CENPK: variants seen among roughly 807,000 people sequenced by gnomAD.
CENPK encodes SoxLZ/Sox6-binding protein Solt.
In CENPK, 46 loss-of-function variants were observed where a neutral mutation model predicts 40.9. The observed-to-expected ratio is 1.13, with a 90% CI of 0.89 to 1.44. CENPK has a LOEUF of 1.44. CENPK is among the 40% of genes most tolerant of loss of function. The pLI is 0.00. For synonymous variants in CENPK, 107 were observed against 104.4 expected, an observed-to-expected ratio of 1.02 and a Z score of -0.15; for missense variants, 288 against 303.5, an observed-to-expected ratio of 0.95 and a Z score of 0.38.
At chr5:65,508,443 T>G in the CENPK span, among the ~76,000 whole-genome samples, 1 of 152,126 alleles carries the variant, frequency 6.6e-6, no homozygotes, top group Admixed American at 6.6e-5. Flanking sequence ...TTATAACATA[T>G]CCGATAAAAA....
At chr5:65,536,003 C>T (rs1746828009) in intron 6 of CENPK, among the ~76,000 whole-genome samples, 1 of 152,154 alleles carries the variant, frequency 6.6e-6, no homozygotes, top group African/African-American at 2.4e-5. Context: ...TAGAAGTTAC[C>T]AGTAAAATAT....
intron 9 of CENPK, among the ~76,000 whole-genome samples, chr5:65,526,390 C>A (rs1375014119): frequency 6.6e-6 from 1 of 152,002 alleles, no homozygotes; most frequent in Non-Finnish European, 1.5e-5. Flanking sequence ...AGACACAGCC[C>A]ATAACAAATG....
At chr5:65,532,055 T>A (rs1396658104) in intron 6 of CENPK, among the ~76,000 whole-genome samples, 2 of 152,136 alleles carry the variant, frequency 1.3e-5, no homozygotes, top group East Asian at 3.8e-4. Context: ...ATATCAGGAA[T>A]GAGAGAGGTG....
Position 65,529,197 on chromosome 5 carries a change from G to C in CENPK, c.291C>G (p.Phe97Leu), listed in dbSNP as rs1393117032. Residue 97 changes from phenylalanine (F) to leucine (L), a missense_variant and splice_region_variant, in exon 7 of 11, where the codon TTC becomes TTG. By Grantham distance (22) the Phe-to-Leu change is conservative. Transcript: ENST00000396679. The part of the protein sequence containing the change: ...DVLITLGKEE[F>L]QKLRQDLEMV... ...TTTCAAGATCTTGTCTCAGCTTTTG[G>C]AACTAGAATAAAATAATTCAAATTA... The C allele has an allele frequency of 1.3e-6, 2 of 1,591,094 alleles. No individual in the cohort carries two copies. The highest frequency in any genetic ancestry group is 1.1e-5 in the South Asian group (1 of 88,704).
At chr5:65,528,346 C>T in intron 9 of CENPK, 106 bp downstream of exon 9, 2 of 876,056 alleles carry the variant, frequency 2.3e-6, no homozygotes, top group South Asian at 2.6e-5. Flanking sequence ...TGGCATATTT[C>T]CATACATGTG....
At chr5:65,521,131 T>C (rs1165342206) in intron 10 of CENPK, among the ~76,000 whole-genome samples, 1 of 152,058 alleles carries the variant, frequency 6.6e-6, no homozygotes, top group African/African-American at 2.4e-5. Flanking sequence ...TGTAACAGCA[T>C]AGAATTTTAC....
chr5:65,500,790 G>A, the CENPK span, among the ~76,000 whole-genome samples: 1 of 152,116 alleles, frequency 6.6e-6, no homozygotes, highest in South Asian at 2.1e-4. Flanking sequence ...AGCCTCCCCA[G>A]TAGCTGGGAC....
Position 65,526,606 on chromosome 5 carries a change from G to T in CENPK, c.597+1846C>A, listed in dbSNP as rs535378006. On this transcript the variant is annotated intron_variant, in intron 9 of 10. Coordinates refer to ENST00000396679, the MANE Select transcript of CENPK (RefSeq NM_022145.5). ...ACACCGAGTAGCTCACAGGGCATGG[G>T]GATAAAGGGAGAGATAGACATAAAT... is the stretch of plus-strand genomic sequence containing the variant. Among the ~76,000 whole-genome samples, 5 of 152,246 alleles carry T rather than the reference G, an allele frequency of 3.3e-5. No individual in the cohort carries two copies. The South Asian group carries it at 1.0e-3, about 32-fold the overall frequency.
intron 10 of CENPK, 53 bp from the exon 11 acceptor site, chr5:65,518,686 G>A: frequency 8.2e-7 from 1 of 1,222,918 alleles, no homozygotes; most frequent in South Asian, 1.4e-5. Context: ...AGTCAATATA[G>A]CTATAAGAAA....
At chr5:65,504,186 T>A in the CENPK span, among the ~76,000 whole-genome samples, 1 of 151,744 alleles carries the variant, frequency 6.6e-6, no homozygotes, top group Non-Finnish European at 1.5e-5. Context: ...CCAGGCGCAG[T>A]GGCTCATGCC....
chr5:65,530,276 T>G (rs755097901), intron 6 of CENPK, among the ~76,000 whole-genome samples: 18 of 152,086 alleles, frequency 1.2e-4, no homozygotes, highest in Non-Finnish European at 2.2e-4. Context: ...TCCAGACGTT[T>G]ACTCCAGCAA....
chr5:65,558,506 G>A (rs1468426568), intron 2 of CENPK, among the ~76,000 whole-genome samples: 3 of 152,142 alleles, frequency 2.0e-5, no homozygotes, highest in Admixed American at 6.6e-5. Context: ...TCTTTTCTCC[G>A]TAAAATGGTA....
At chr5:65,510,807 T>C in the CENPK span, among the ~76,000 whole-genome samples, 4 of 150,120 alleles carry the variant, frequency 2.7e-5, no homozygotes, top group African/African-American at 9.7e-5. Flanking sequence ...AGAAAAATGG[T>C]TTACGCAATT....
At chr5:65,535,959 AAAC>A (rs1376469332) in intron 6 of CENPK, among the ~76,000 whole-genome samples, 3 of 152,220 alleles carry the variant, frequency 2.0e-5, no homozygotes, top group African/African-American at 7.2e-5. Flanking sequence ...CGATGGTATA[AAAC>A]AACAGCTGCA....
intron 2 of CENPK, among the ~76,000 whole-genome samples, chr5:65,559,368 G>A (rs1167351539): frequency 2.0e-5 from 3 of 152,112 alleles, no homozygotes; most frequent in African/African-American, 4.8e-5. Flanking sequence ...GGTGGCTCAC[G>A]CCTGTAATCC....
the CENPK span, among the ~76,000 whole-genome samples, chr5:65,509,227 G>A: frequency 1.3e-5 from 2 of 152,042 alleles, no homozygotes; most frequent in African/African-American, 2.4e-5. Flanking sequence ...TAAACAATAC[G>A]CTTGGTCTCA....
At chr5:65,539,892 A>G (rs1416923740) in intron 6 of CENPK, among the ~76,000 whole-genome samples, 1 of 152,212 alleles carries the variant, frequency 6.6e-6, no homozygotes, top group Non-Finnish European at 1.5e-5. Context: ...GACACACTGA[A>G]GCTGCACCTG....
intron 6 of CENPK, among the ~76,000 whole-genome samples, chr5:65,542,061 G>A (rs975964249): frequency 5.9e-5 from 9 of 152,124 alleles, no homozygotes; most frequent in Non-Finnish European, 1.3e-4. Flanking sequence ...GTTTATAAGG[G>A]CATTAATTTC....
chr5:65,556,194 C>T (rs1452188862), intron 2 of CENPK, among the ~76,000 whole-genome samples: 1 of 151,834 alleles, frequency 6.6e-6, no homozygotes, highest in African/African-American at 2.4e-5. Flanking sequence ...TAAAATATGC[C>T]AGGTGCAGTG....
Sources: allele counts gnomAD v4.1 joint callset (sites outside exome capture counted in the v4.1 genomes callset), GRCh38; gene constraint gnomAD v4.1.1; transcripts MANE v1.5; gene names NCBI Gene and HGNC (gene_info 2026-07-23, HGNC 2026-07-21).